The following ARHGAP42 variants were observed in gnomAD, a reference collection of about 807,000 sequenced individuals.
The protein encoded by ARHGAP42 is rho GTPase-activating protein 42.
Under a neutral mutation model 125.0 loss-of-function variants are expected in ARHGAP42, and 63 were observed. The observed-to-expected ratio is 0.50, with a 90% CI of 0.41 to 0.62. The LOEUF (loss-of-function observed/expected upper bound fraction) is 0.62, where lower values mean the gene tolerates loss of function less well. Ranked by LOEUF, ARHGAP42 falls within the 20% of genes least tolerant of loss-of-function variation. ARHGAP42 has a pLI of 0.00. For missense variants in ARHGAP42, 766 were observed against 1,024.2 expected (o/e 0.75, Z 3.44); for synonymous variants, 339 against 351.0 (o/e 0.97, Z 0.38).
intron 1 of ARHGAP42, among the ~76,000 whole-genome samples, chr11:100,730,061 G>A (rs371885268): frequency 1.6e-4 from 25 of 151,996 alleles, no homozygotes; most frequent in African/African-American, 6.0e-4. Context: ...CACCTGCCTC[G>A]GCCTCCCAAA....
intron 3 of ARHGAP42, among the ~76,000 whole-genome samples, chr11:100,834,597 A>G (rs1485197574): frequency 6.6e-6 from 1 of 152,132 alleles, no homozygotes; most frequent in Non-Finnish European, 1.5e-5. Context: ...CCTAAAGGCA[A>G]AGGTAATAGT....
chr11:100,987,740 AATC>A (rs1858718853), intron 23 of ARHGAP42, 148 bp downstream of exon 23: 1 of 707,298 alleles, frequency 1.4e-6, no homozygotes, highest in Non-Finnish European at 2.3e-6. Flanking sequence ...GAACACATCA[AATC>A]CCTCTGGGTG....
At chr11:100,986,022 A>G (rs200011947) in intron 22 of ARHGAP42, 407 of 456,662 alleles carry the variant, frequency 8.9e-4, no homozygotes, top group Non-Finnish European at 1.6e-3. Context: ...AAGACTCATC[A>G]TGTAGAAAAT....
chr11:100,961,656 T>C (rs1857958590), intron 14 of ARHGAP42, 28 bp from the exon 15 acceptor site: 1 of 1,543,432 alleles, frequency 6.5e-7, no homozygotes. Flanking sequence ...AACTGCACAA[T>C]TTAAACACCT....
chr11:100,766,430 T>C (rs1284505082), intron 1 of ARHGAP42, among the ~76,000 whole-genome samples: 1 of 152,200 alleles, frequency 6.6e-6, no homozygotes, highest in East Asian at 1.9e-4. Flanking sequence ...ACAACAAATT[T>C]TAAAATTTAT....
At chr11:100,838,006 T>C (rs1472245063) in intron 3 of ARHGAP42, among the ~76,000 whole-genome samples, 1 of 110,106 alleles carries the variant, frequency 9.1e-6, no homozygotes, top group African/African-American at 3.1e-5. Flanking sequence ...TGTTCTTAGC[T>C]GCCTAAAAAT....
At chr11:100,794,788 G>A (rs887543009) in intron 2 of ARHGAP42, among the ~76,000 whole-genome samples, 2 of 152,064 alleles carry the variant, frequency 1.3e-5, no homozygotes, top group Non-Finnish European at 1.5e-5. Context: ...ATCAATATAT[G>A]TGTACATTTT....
At chr11:100,893,830 G>T (rs1456964696) in intron 4 of ARHGAP42, among the ~76,000 whole-genome samples, 11 of 151,976 alleles carry the variant, frequency 7.2e-5, no homozygotes, top group Admixed American at 7.2e-4. Flanking sequence ...GCAGTAAACA[G>T]AATTGATAGA....
intron 1 of ARHGAP42, among the ~76,000 whole-genome samples, chr11:100,769,466 G>A (rs998712698): frequency 3.9e-5 from 6 of 152,070 alleles, no homozygotes; most frequent in African/African-American, 1.4e-4. Flanking sequence ...CTTTTTCTGG[G>A]TTTAGTCAGA....
At chr11:100,927,265 G>C (rs1291141142) in intron 6 of ARHGAP42, among the ~76,000 whole-genome samples, 2 of 152,044 alleles carry the variant, frequency 1.3e-5, no homozygotes, top group Admixed American at 1.3e-4. Context: ...GCTTTTGAAA[G>C]TTTAACATTT....
chr11:100,776,272 G>GA (rs1419403848), intron 2 of ARHGAP42, among the ~76,000 whole-genome samples: 14 of 152,208 alleles, frequency 9.2e-5, no homozygotes, highest in African/African-American at 3.1e-4. Flanking sequence ...GAAACCATTG[G>GA]AAAGTCCAGT....
chr11:100,949,198 G>GA (rs1827740683), intron 11 of ARHGAP42, among the ~76,000 whole-genome samples: 1 of 151,942 alleles, frequency 6.6e-6, no homozygotes, highest in South Asian at 2.1e-4. Flanking sequence ...AGATGGCAAA[G>GA]AACCTGTACA....
At chr11:100,988,684 G>A in intron 23 of ARHGAP42, 29 bp from the exon 24 acceptor site, 1 of 1,500,144 alleles carries the variant, frequency 6.7e-7, no homozygotes, top group East Asian at 2.5e-5. Context: ...AATGTTGACT[G>A]AGTGCTATTT....
intron 3 of ARHGAP42, among the ~76,000 whole-genome samples, chr11:100,843,440 A>G (rs1864987841): frequency 6.6e-6 from 1 of 152,134 alleles, no homozygotes; most frequent in Non-Finnish European, 1.5e-5. Flanking sequence ...ATAGTACTGG[A>G]AGTCCTAGCC....
chr11:100,932,690 C>T (rs1591304274), intron 6 of ARHGAP42, among the ~76,000 whole-genome samples: 1 of 152,256 alleles, frequency 6.6e-6, no homozygotes, highest in South Asian at 2.1e-4. Flanking sequence ...AGTACTGCCA[C>T]CTTGTGATAC....
chr11:100,847,490 C>A (rs770916960), intron 3 of ARHGAP42, among the ~76,000 whole-genome samples: 1 of 152,082 alleles, frequency 6.6e-6, no homozygotes, highest in African/African-American at 2.4e-5. Context: ...AAGTCCTTCT[C>A]TATTGAAGGT....
chr11:100,943,270 C>A (rs77549508), intron 9 of ARHGAP42, among the ~76,000 whole-genome samples: 4 of 151,734 alleles, frequency 2.6e-5, no homozygotes, highest in Non-Finnish European at 5.9e-5. Context: ...ATATTATTTC[C>A]GTAGCTCTCT....
intron 1 of ARHGAP42, among the ~76,000 whole-genome samples, chr11:100,700,750 T>TA (rs1176513105): frequency 6.6e-6 from 1 of 152,236 alleles, no homozygotes; most frequent in Non-Finnish European, 1.5e-5. Context: ...CATCTGCACT[T>TA]ACTTCCTCCA....
At chr11:100,752,467 C>T (rs1360252602) in intron 1 of ARHGAP42, among the ~76,000 whole-genome samples, 2 of 152,198 alleles carry the variant, frequency 1.3e-5, no homozygotes, top group Non-Finnish European at 2.9e-5. Flanking sequence ...TTTTGTACTA[C>T]TGGCTGTTCC....
Sources: gnomAD v4.1 joint callset for allele counts (sites outside exome capture counted in the v4.1 genomes callset) on GRCh38, gnomAD v4.1.1 for gene constraint, MANE v1.5 for transcripts, NCBI Gene and HGNC (gene_info 2026-07-23, HGNC 2026-07-21) for gene names.